Variants in EML6 observed in about 807,000 individuals in gnomAD.
The protein encoded by EML6 is EMAP like 6.
In EML6, 154 loss-of-function variants were observed where a neutral mutation model predicts 240.1. The observed-to-expected ratio is 0.64, with a 90% CI of 0.56 to 0.73. The LOEUF (loss-of-function observed/expected upper bound fraction) is 0.73. Ranked by LOEUF, EML6 falls within the 30% of genes least tolerant of loss-of-function variation. The probability of loss-of-function intolerance (pLI) is 0.00; values close to 1 mark genes in which losing one functional copy is unlikely to be tolerated. For synonymous variants in EML6, 1,148 were observed against 899.0 expected, an observed-to-expected ratio of 1.28 and a Z score of -4.95; for missense variants, 2,964 against 2,474.6, an observed-to-expected ratio of 1.20 and a Z score of -4.20.
Position 54,724,997 on chromosome 2 carries a change from C to T in EML6, c.-65C>T. ...CTGAGCCCCTGCAGGTCCGCCGCAG[C>T]CCCAGCCTCGGCGAGGACGGCCCCG... On this transcript the variant is annotated 5_prime_UTR_variant, in exon 2 of 42. Transcript: ENST00000356458. This position sits in a 1 kb window ranked among gnomAD's most constrained non-coding sequence, Gnocchi z 5.2. The T allele has an allele frequency of 3.0e-6, 4 of 1,351,250 alleles. No homozygotes were observed. The highest frequency in any genetic ancestry group is 1.8e-5 in the South Asian group (1 of 56,940). 83.7% of individuals were successfully genotyped at this position (1,351,250 alleles called of 1,614,324 possible). A position where few individuals can be genotyped will look rare whatever the true frequency, so the allele number is the denominator to read the frequency against.
rs1670995813 is a variant in EML6, at chr2:54,866,832, C to G, written c.1999C>G (p.Leu667Val). The G allele has an allele frequency of 1.3e-6, 2 of 1,551,154 alleles. No homozygotes were observed. The highest frequency in any genetic ancestry group is 2.0e-5 in the Admixed American group (1 of 50,970). Residue 667 changes from leucine to valine, a missense_variant, in exon 14 of 42, where the codon CTC becomes GTC. Physicochemically the swap from Leu to Val is conservative, Grantham distance 32 (BLOSUM62 1). Coordinates refer to ENST00000356458, the MANE Select transcript of EML6 (RefSeq NM_001039753.4). ...SKEKNHAVPF[L>V]KREKAPEDSL... ...AGAGAAAAACCACGCAGTGCCCTTC[C>G]TCAAACGAGAAAAGGCTCCTGAGGA...
At chr2:54,912,395 C>T (rs1041362856) in intron 25 of EML6, among the ~76,000 whole-genome samples, 1 of 152,208 alleles carries the variant, frequency 6.6e-6, no homozygotes, top group East Asian at 1.9e-4. Context: ...ACTTTATACA[C>T]CTTTATTTTT....
At chr2:54,923,864 A>T (rs549122619) in intron 26 of EML6, among the ~76,000 whole-genome samples, 2 of 152,220 alleles carry the variant, frequency 1.3e-5, no homozygotes, top group East Asian at 3.8e-4. Flanking sequence ...TACCTGTTTA[A>T]GAATTTCATA....
At chr2:54,896,368 G>T (rs972567109) in intron 21 of EML6, among the ~76,000 whole-genome samples, 3 of 152,180 alleles carry the variant, frequency 2.0e-5, no homozygotes, top group African/African-American at 7.2e-5. Context: ...GTCCACATAA[G>T]CAAATTGCAT....
intron 39 of EML6, among the ~76,000 whole-genome samples, chr2:54,967,619 G>C (rs1168491047): frequency 6.6e-6 from 1 of 152,168 alleles, no homozygotes; most frequent in Non-Finnish European, 1.5e-5. Flanking sequence ...TTGGAGTGTA[G>C]GGAACTGAGG....
intron 33 of EML6, among the ~76,000 whole-genome samples, chr2:54,958,323 C>G (rs1676331651): frequency 6.6e-6 from 1 of 152,118 alleles, no homozygotes; most frequent in Admixed American, 6.5e-5. Context: ...TCCCAAGTAG[C>G]TGGGACTATA....
chr2:54,869,045 A>G (rs957525644), intron 14 of EML6, 136 bp from the exon 15 acceptor site: 15 of 553,070 alleles, frequency 2.7e-5, no homozygotes, highest in Admixed American at 6.1e-5. Flanking sequence ...TCATTTAAAC[A>G]TTGCTGTCCT....
At chr2:54,852,544 C>G (rs759642058) in intron 10 of EML6, among the ~76,000 whole-genome samples, 11 of 152,184 alleles carry the variant, frequency 7.2e-5, no homozygotes, top group Non-Finnish European at 1.5e-5. Flanking sequence ...TGTTGGAATT[C>G]CAAATGCCCC....
At chr2:54,740,460 A>G (rs1683581544) in intron 2 of EML6, among the ~76,000 whole-genome samples, 2 of 152,148 alleles carry the variant, frequency 1.3e-5, no homozygotes, top group African/African-American at 4.8e-5. Context: ...TAGCAATAAG[A>G]GGTCATTGAT....
chr2:54,723,625 C>A (rs566662214), upstream of EML6: 1 of 152,404 alleles, frequency 6.6e-6, no homozygotes, highest in South Asian at 2.1e-4. Flanking sequence ...CCCCCGGAGC[C>A]CCGGCTGGAG....
intron 12 of EML6, 64 bp from the exon 13 acceptor site, chr2:54,863,719 G>C (rs1273554425): frequency 1.5e-5 from 12 of 778,810 alleles, no homozygotes; most frequent in Non-Finnish European, 2.6e-5. Context: ...AAATATTTTA[G>C]ATAATTTCAG....
chr2:54,869,065 C>G (rs574427840), intron 14 of EML6, 116 bp from the exon 15 acceptor site: 24 of 621,210 alleles, frequency 3.9e-5, no homozygotes, highest in African/African-American at 3.5e-4. Context: ...TATGTGACAC[C>G]TGGGGTTCCA....
chr2:54,809,294 A>G (rs1670664184), intron 2 of EML6, among the ~76,000 whole-genome samples: 1 of 152,212 alleles, frequency 6.6e-6, no homozygotes, highest in African/African-American at 2.4e-5. Context: ...TCCAGTCATA[A>G]CATGGTAAAG....
chr2:54,916,684 C>T, intron 25 of EML6, 75 bp from the exon 26 acceptor site: 3 of 1,186,244 alleles, frequency 2.5e-6, no homozygotes, highest in East Asian at 2.6e-5. Context: ...TAGAATTACT[C>T]AGGTGCAAAC....
At chr2:54,963,882 T>C in intron 36 of EML6, 104 bp from the exon 37 acceptor site, 1 of 1,013,430 alleles carries the variant, frequency 9.9e-7, no homozygotes, top group Non-Finnish European at 1.4e-6. Flanking sequence ...TGGCCTGCAG[T>C]GGCTGCGAGG....
intron 21 of EML6, 46 bp downstream of exon 21, chr2:54,895,446 G>T (rs1250404314): frequency 1.3e-6 from 2 of 1,542,870 alleles, no homozygotes; most frequent in Non-Finnish European, 8.8e-7. Flanking sequence ...TCAAGGCTGG[G>T]ACTAGAGTGA....
At chr2:54,854,136 A>G (rs1278010121) in intron 11 of EML6, among the ~76,000 whole-genome samples, 2 of 152,228 alleles carry the variant, frequency 1.3e-5, no homozygotes, top group Non-Finnish European at 2.9e-5. Context: ...AGTCATATTT[A>G]TGTAAATATT....
At chr2:54,907,998 T>C (rs996360453) in intron 24 of EML6, among the ~76,000 whole-genome samples, 2 of 145,276 alleles carry the variant, frequency 1.4e-5, no homozygotes, top group Non-Finnish European at 1.5e-5. Context: ...GATAGATAGA[T>C]AGATATCACA....
At chr2:54,772,404 A>G (rs80227919) in intron 2 of EML6, among the ~76,000 whole-genome samples, 2,079 of 152,344 alleles carry the variant, frequency 0.014, 48 homozygotes, top group African/African-American at 0.047. Flanking sequence ...GGATTTCACC[A>G]GGAAGAAAAT....
Sources: allele counts gnomAD v4.1 joint callset (sites outside exome capture counted in the v4.1 genomes callset), GRCh38; gene constraint gnomAD v4.1.1; non-coding constraint Gnocchi (gnomAD v3.1); transcripts MANE v1.5; gene names NCBI Gene and HGNC (gene_info 2026-07-23, HGNC 2026-07-21).